Variants in MTDH observed in about 807,000 individuals in gnomAD.
The protein encoded by MTDH is protein LYRIC.
Under a neutral mutation model 72.7 loss-of-function variants are expected in MTDH, and 34 were observed. The ratio of observed to expected loss-of-function variants is 0.47; its 90% CI spans 0.36 to 0.62. The LOEUF is 0.62. MTDH is among the 20% of genes least tolerant of loss of function. The pLI, the probability that MTDH is intolerant of heterozygous loss-of-function variation, is 0.00. For missense variants in MTDH, 677 were observed against 699.4 expected (o/e 0.97, Z 0.36); for synonymous variants, 266 against 268.9 (o/e 0.99, Z 0.10).
rs1201910599 is a variant in MTDH, at chr8:97,696,169, T to C, written c.1049-3585T>C. ...ACATATCTTTCAAGTCTGATGCAAG[T>C]TGAAGGTTCCAAGTGATGTTTTTTA... On this transcript the variant is annotated intron_variant, in intron 6 of 11. Transcript: ENST00000336273. 4.7e-6 allele frequency: 4 copies of C among 851,484 alleles called. No individual in the cohort carries two copies. In the East Asian group the frequency reaches 4.9e-4, roughly 103 times the overall value. 52.7% of individuals were successfully genotyped at this position (851,484 alleles called of 1,614,324 possible).
At position 97,659,162 on chromosome 8, in the gene MTDH, AT is replaced by A. The variant is rs1279448872; in HGVS notation, c.382-1909del. On this transcript the variant is annotated intron_variant, in intron 1 of 11. Transcript: ENST00000336273. ...CGTCTCAAAAAAAAAAAAAATGATG[AT>A]ATTAGAAAGTAAAATTAAACAAAGT... 3.3e-5 allele frequency among the ~76,000 whole-genome samples: 5 copies of A among 151,844 alleles called. No individual in the cohort carries two copies. In the East Asian group the frequency reaches 9.6e-4, roughly 29 times the overall value.
At chr8:97,647,257 A>G (rs185224150) in intron 1 of MTDH, among the ~76,000 whole-genome samples, 1 of 152,316 alleles carries the variant, frequency 6.6e-6, no homozygotes, top group African/African-American at 2.4e-5. Context: ...AAAAAGATAT[A>G]CTTAAGAAAT....
chr8:97,700,272 A>G (rs943467078), intron 7 of MTDH, among the ~76,000 whole-genome samples: 5 of 152,280 alleles, frequency 3.3e-5, no homozygotes, highest in East Asian at 1.9e-4. Context: ...AAAGGAAGAC[A>G]TTTTAGAAGG....
intron 4 of MTDH, 75 bp downstream of exon 4, chr8:97,687,680 G>T: frequency 7.9e-7 from 1 of 1,271,966 alleles, no homozygotes. Flanking sequence ...ATATCATTAT[G>T]TCAAAATCTG....
At chr8:97,678,143 T>C (rs1159726555) in intron 2 of MTDH, among the ~76,000 whole-genome samples, 1 of 152,214 alleles carries the variant, frequency 6.6e-6, no homozygotes, top group Non-Finnish European at 1.5e-5. Context: ...ATTTCAGTAA[T>C]GAAACACATG....
At chr8:97,716,697 T>TTTTTG (rs889212473) in intron 9 of MTDH, among the ~76,000 whole-genome samples, 2 of 152,078 alleles carry the variant, frequency 1.3e-5, no homozygotes, top group African/African-American at 4.8e-5. Context: ...GTTTTTTCTC[T>TTTTTG]TTTTGTTTTG....
At chr8:97,678,233 G>T (rs563454055) in intron 2 of MTDH, among the ~76,000 whole-genome samples, 1 of 152,070 alleles carries the variant, frequency 6.6e-6, no homozygotes, top group Non-Finnish European at 1.5e-5. Flanking sequence ...TAACTTTTTT[G>T]AATGTTTGTG....
In MTDH at chr8:97,724,690, G is replaced by A; in HGVS notation, c.*20G>A. ...ACGTGAAATTTTTTTTCCTGAATTG[G>A]ACATGTGTTTGCAAACACTTGTCTT... is the stretch of plus-strand genomic sequence containing the variant. On this transcript the variant is annotated 3_prime_UTR_variant, in exon 12 of 12. Transcript: ENST00000336273. The A allele has an allele frequency of 6.4e-7, 1 of 1,555,394 alleles. No individual in the cohort carries two copies. Among genetic ancestry groups the A allele is most frequent in the South Asian group, 1.2e-5 (1 of 82,212 alleles).
intron 10 of MTDH, among the ~76,000 whole-genome samples, chr8:97,720,580 AAT>A (rs963154401): frequency 6.7e-6 from 1 of 148,670 alleles, no homozygotes; most frequent in Admixed American, 6.6e-5. Context: ...TGTGAAGAAG[AAT>A]ATATATATAT....
At chr8:97,677,003 T>TAAAAAAA (rs1812874281) in intron 2 of MTDH, among the ~76,000 whole-genome samples, 2 of 690 alleles carry the variant, frequency 2.9e-3, no homozygotes, top group Non-Finnish European at 3.7e-3. Flanking sequence ...AGACTCTATC[T>TAAAAAAA]CAAAAAAAAA....
intron 5 of MTDH, 87 bp from the exon 6 acceptor site, chr8:97,690,864 TA>T: frequency 1.1e-6 from 1 of 922,258 alleles, no homozygotes; most frequent in Non-Finnish European, 1.6e-6. Flanking sequence ...GTAATAAATA[TA>T]AGTCAAGCAA....
At position 97,705,296 on chromosome 8, in the gene MTDH, CA is replaced by C. The variant is rs55913758; in HGVS notation, c.1148-1320del. On this transcript the variant is annotated intron_variant, in intron 7 of 11. Coordinates refer to ENST00000336273, the MANE Select transcript of MTDH (RefSeq NM_178812.4). ...TGGGTGACAGAGTGAGACTCCATCT[CA>C]AAAAAAAAAGAGAATTGAGCATTGC... 7.3e-5 allele frequency among the ~76,000 whole-genome samples: 10 copies of C among 136,746 alleles called. No individual in the cohort carries two copies. In the East Asian group the frequency reaches 8.7e-4, roughly 12 times the overall value. 89.7% of individuals were successfully genotyped at this position (136,746 alleles called of 152,430 possible).
At chr8:97,714,881 A>C (rs1814796129) in intron 9 of MTDH, among the ~76,000 whole-genome samples, 1 of 151,598 alleles carries the variant, frequency 6.6e-6, no homozygotes, top group African/African-American at 2.4e-5. Flanking sequence ...GCTGGAGTGC[A>C]GTAGTGCGAT....
intron 5 of MTDH, among the ~76,000 whole-genome samples, chr8:97,690,721 C>T (rs1172634653): frequency 2.6e-5 from 4 of 152,152 alleles, no homozygotes. Flanking sequence ...TCATTTTCCT[C>T]TTTGCTCTGT....
rs765996439 is a variant in MTDH at position 97,644,833 on chromosome 8, C to T, written c.327C>T (p.Leu109=). Residue 109 remains leucine (L), a synonymous_variant, in exon 1 of 12, where the codon CTC becomes CTT. Transcript: ENST00000336273. ...APDDLALLKN[L]RSEEQKKKNR... is the part of the protein sequence containing the mutation. ...ACGACCTGGCCTTGCTGAAGAATCT[C>T]CGGAGCGAGGAACAGAAGAAGAAGA... 2.5e-5 allele frequency: 39 copies of T among 1,578,044 alleles called. No individual in the cohort carries two copies. The highest frequency in any genetic ancestry group is 3.3e-5 in the Non-Finnish European group (39 of 1,169,200).
chr8:97,644,795 G>T lies in MTDH; in HGVS notation c.289G>T (p.Ala97Ser). 1 of 1,552,618 alleles carries T rather than the reference G, an allele frequency of 6.4e-7. No individual in the cohort carries two copies. The highest frequency in any genetic ancestry group is 2.5e-5 in the East Asian group (1 of 40,304). Residue 97 changes from alanine to serine, a missense_variant, in exon 1 of 12, where the codon GCC (alanine) becomes TCC (serine). Physicochemically the swap from Ala to Ser is moderately conservative, Grantham distance 99. Transcript: ENST00000336273. ...RKREEAAAVP[A>S]AAPDDLALLK... ...GCGGGAGGAGGCGGCGGCCGTGCCG[G>T]CCGCGGCCCCCGACGACCTGGCCTT...
intron 6 of MTDH, chr8:97,696,335 T>G (rs936473496): frequency 2.2e-6 from 2 of 929,686 alleles, no homozygotes; most frequent in Non-Finnish European, 2.6e-6. Context: ...CAAAAACATT[T>G]GTTTAATTTT....
At chr8:97,710,047 T>A (rs960178118) in intron 8 of MTDH, among the ~76,000 whole-genome samples, 1 of 152,226 alleles carries the variant, frequency 6.6e-6, no homozygotes, top group African/African-American at 2.4e-5. Context: ...TCTATTCATA[T>A]GGCATTTTAA....
intron 2 of MTDH, among the ~76,000 whole-genome samples, chr8:97,673,102 A>G (rs943651609): frequency 3.3e-5 from 5 of 152,212 alleles, no homozygotes; most frequent in African/African-American, 9.6e-5. Flanking sequence ...CGTACAAGGT[A>G]CTACTGTAGG....
Sources: allele counts gnomAD v4.1 joint callset (sites outside exome capture counted in the v4.1 genomes callset), GRCh38; gene constraint gnomAD v4.1.1; transcripts MANE v1.5; gene names NCBI Gene and HGNC (gene_info 2026-07-23, HGNC 2026-07-21).